Variants in STK40 observed in about 807,000 individuals in gnomAD.
STK40 encodes serine/threonine-protein kinase 40.
A neutral mutation model predicts 47.9 loss-of-function variants in STK40; 13 were observed. The observed-to-expected ratio is 0.27, with a 90% CI of 0.18 to 0.43. The LOEUF is 0.43. Ranked by LOEUF, STK40 falls within the 20% of genes least tolerant of loss-of-function variation. STK40 has a pLI of 1.00. For synonymous variants in STK40, 225 were observed against 243.2 expected, an observed-to-expected ratio of 0.93 and a Z score of 0.69; for missense variants, 460 against 595.1, an observed-to-expected ratio of 0.77 and a Z score of 2.36.
Position 36,343,441 on chromosome 1 carries a change from G to C in STK40, c.1012C>G (p.Leu338Val), listed in dbSNP as rs111658119. ...TGCAAAGGCCCACTCAGAGATGACA[G>C]GGACTGCCTGCAGGGAGGCAGACAG... is the stretch of plus-strand genomic sequence containing the variant. ...LSAIIASWQS[L>V]SSLSGPLQVV... is the part of the protein sequence containing the mutation. Residue 338 changes from leucine to valine, a missense_variant, in exon 10 of 11, where the codon CTG (leucine) becomes GTG (valine). Physicochemically the swap from Leu to Val is conservative, Grantham distance 32. This residue lies in a region of STK40 where 181 missense variants were observed against 218.9 expected (regional missense o/e 0.83). Coordinates refer to ENST00000373132, the MANE Select transcript of STK40 (RefSeq NM_001282547.2). 2 of 1,613,094 alleles carry C rather than the reference G, an allele frequency of 1.2e-6. No homozygotes were observed. The highest frequency in any genetic ancestry group is 1.7e-6 in the Non-Finnish European group (2 of 1,179,470).
chr1:36,354,798 A>G (rs977756115), intron 5 of STK40, among the ~76,000 whole-genome samples: 28 of 152,302 alleles, frequency 1.8e-4, no homozygotes, highest in African/African-American at 6.5e-4. Context: ...CTCGGCCCAC[A>G]GAAGCGGCAC....
At chr1:36,358,607 G>T in intron 3 of STK40, 130 bp downstream of exon 3, 2 of 1,167,666 alleles carry the variant, frequency 1.7e-6, no homozygotes, top group Non-Finnish European at 1.2e-6. Flanking sequence ...CTGTGAACTT[G>T]ATTGCTTCTC....
chr1:36,369,575 C>T (rs1338648383), intron 1 of STK40, among the ~76,000 whole-genome samples: 1 of 152,216 alleles, frequency 6.6e-6, no homozygotes, highest in Non-Finnish European at 1.5e-5. Flanking sequence ...CTGGTTGGCA[C>T]ATCCTTCTCC....
rs1291618920 is a variant in STK40, at chr1:36,355,299, C to T, written c.477G>A (p.Leu159=). 1.2e-6 allele frequency: 2 copies of T among 1,614,138 alleles called. No homozygotes were observed. The highest frequency in any genetic ancestry group is 1.7e-6 in the Non-Finnish European group (2 of 1,180,042). The change falls in exon 5 of 11, where the codon CTG becomes CTA. Residue 159 remains leucine, a synonymous_variant. Coordinates refer to ENST00000373132, the MANE Select transcript of STK40 (RefSeq NM_001282547.2). The stretch of plus-strand genomic sequence containing the variant: ...TCTTCTCCTTGATGACGTAGTGCTG[C>T]AGGTTGATGAGGTCAGCGGTCTTAT... ...FSDKTADLIN[L]QHYVIKEKRL...
At position 36,356,415 on chromosome 1, in the gene STK40, T is replaced by TCTC. The variant is rs1283332285; in HGVS notation, c.343-983_343-982insGAG. Among the ~76,000 whole-genome samples, 20 of 139,930 alleles carry TCTC rather than the reference T, an allele frequency of 1.4e-4. No individual in the cohort carries two copies. The South Asian group carries it at 1.6e-3, about 11-fold the overall frequency. 91.8% of individuals were successfully genotyped at this position (139,930 alleles called of 152,430 possible). Reference sequence around the variant, plus strand: ...GGACTGAATATCCACATTTCTTCTTTTTCTTTTTTTTTTTTTTTTTTTTTT... The same window carrying TCTC: ...GGACTGAATATCCACATTTCTTCTTTCTCTTCTTTTTTTTTTTTTTTTTTTTTT... On this transcript the variant is annotated intron_variant, in intron 4 of 10. Coordinates refer to ENST00000373132, the MANE Select transcript of STK40 (RefSeq NM_001282547.2).
At chr1:36,356,415 T>C (rs1411373210) in intron 4 of STK40, among the ~76,000 whole-genome samples, 2 of 139,844 alleles carry the variant, frequency 1.4e-5, no homozygotes, top group African/African-American at 2.9e-5. Flanking sequence ...ATTTCTTCTT[T>C]TTCTTTTTTT....
intron 1 of STK40, among the ~76,000 whole-genome samples, chr1:36,385,411 T>G (rs1433026631): frequency 1.3e-5 from 2 of 152,214 alleles, no homozygotes; most frequent in African/African-American, 2.4e-5. Flanking sequence ...AAGATCTGGC[T>G]GGATTCACAC....
At chr1:36,368,427 T>G (rs527872921) in intron 1 of STK40, among the ~76,000 whole-genome samples, 1 of 152,324 alleles carries the variant, frequency 6.6e-6, no homozygotes, top group Non-Finnish European at 1.5e-5. Context: ...ATTTTTAAAA[T>G]GTTTTGTAGA....
At chr1:36,373,718 C>T (rs1464524668) in intron 1 of STK40, among the ~76,000 whole-genome samples, 1 of 152,180 alleles carries the variant, frequency 6.6e-6, no homozygotes, top group Admixed American at 6.5e-5. Flanking sequence ...CAAAACAGAG[C>T]GATGATTTTG....
At chr1:36,370,451 A>C in intron 1 of STK40, among the ~76,000 whole-genome samples, 1 of 152,200 alleles carries the variant, frequency 6.6e-6, no homozygotes, top group East Asian at 1.9e-4. Context: ...CGCTTCTCTG[A>C]AAAGAGAACT....
At chr1:36,384,708 G>A (rs1332519584) in intron 1 of STK40, among the ~76,000 whole-genome samples, 1 of 152,226 alleles carries the variant, frequency 6.6e-6, no homozygotes, top group Non-Finnish European at 1.5e-5. Flanking sequence ...ATGAATGAAT[G>A]AATGAATGAG....
intron 2 of STK40, among the ~76,000 whole-genome samples, chr1:36,360,999 C>T (rs963992413): frequency 2.0e-5 from 3 of 152,194 alleles, no homozygotes; most frequent in Non-Finnish European, 2.9e-5. Context: ...AAAACACTGA[C>T]AGCCCCTGGT....
At chr1:36,362,376 G>C (rs1204080930) in intron 1 of STK40, among the ~76,000 whole-genome samples, 2 of 152,206 alleles carry the variant, frequency 1.3e-5, no homozygotes, top group African/African-American at 4.8e-5. Context: ...ATTTCCCTAA[G>C]GATACAGGAG....
chr1:36,367,283 G>A (rs569608269), intron 1 of STK40, among the ~76,000 whole-genome samples: 9 of 152,274 alleles, frequency 5.9e-5, no homozygotes, highest in South Asian at 2.1e-4. Context: ...CTGGCACTCC[G>A]CCGTCCGCAG....
At chr1:36,355,019 A>G (rs1299889890) in intron 5 of STK40, among the ~76,000 whole-genome samples, 187 bp downstream of exon 5, 1 of 152,142 alleles carries the variant, frequency 6.6e-6, no homozygotes, top group East Asian at 1.9e-4. Flanking sequence ...AGCCCTCACC[A>G]GGAAGGTGGC....
intron 1 of STK40, among the ~76,000 whole-genome samples, chr1:36,362,062 G>A (rs1646857057): frequency 6.6e-6 from 1 of 152,184 alleles, no homozygotes; most frequent in South Asian, 2.1e-4. Flanking sequence ...GTATTTAAGA[G>A]TCAGTTAAAG....
chr1:36,380,482 T>C (rs1647030262), intron 1 of STK40, among the ~76,000 whole-genome samples: 1 of 152,118 alleles, frequency 6.6e-6, no homozygotes, highest in Admixed American at 6.5e-5. Flanking sequence ...CAGATATCAG[T>C]CCTTCCTGAG....
At chr1:36,361,854 A>G (rs1646855357) in intron 1 of STK40, among the ~76,000 whole-genome samples, 1 of 152,092 alleles carries the variant, frequency 6.6e-6, no homozygotes, top group African/African-American at 2.4e-5. Context: ...TGCTTGTTAC[A>G]CGAGGCCTGG....
At position 36,364,988 on chromosome 1, in the gene STK40, CT is replaced by C. The variant is rs747047937; in HGVS notation, c.-8-3649del. On this transcript the variant is annotated intron_variant, in intron 1 of 10. Coordinates refer to ENST00000373132, the MANE Select transcript of STK40 (RefSeq NM_001282547.2). ...ACATGCTATTGTTTTGGTCCTTATT[CT>C]TTTTTTTTTTTTTTTTTTTGAGACG... Among the ~76,000 whole-genome samples, 538 of 126,862 alleles carry C rather than the reference CT, an allele frequency of 4.2e-3. 1 individual carries two copies. The highest frequency in any genetic ancestry group is 0.013 in the African/African-American group (431 of 32,132). 83.2% of individuals were successfully genotyped at this position (126,862 alleles called of 152,430 possible).
Sources: gnomAD v4.1 joint callset for allele counts (sites outside exome capture counted in the v4.1 genomes callset) on GRCh38, gnomAD v4.1.1 for gene constraint, gnomAD v4.1.1 regional missense constraint, MANE v1.5 for transcripts, NCBI Gene and HGNC (gene_info 2026-07-23, HGNC 2026-07-21) for gene names.